SOX5: variants seen among roughly 807,000 people sequenced by gnomAD.
SOX5 encodes the protein transcription factor SOX-5.
Under a neutral mutation model 92.0 loss-of-function variants are expected in SOX5, and 9 were observed. The observed-to-expected ratio is 0.10, with a 90% CI of 0.06 to 0.17. The LOEUF (loss-of-function observed/expected upper bound fraction) is 0.17, where lower values mean the gene tolerates loss of function less well. Ranked by LOEUF, SOX5 falls within the 10% of genes least tolerant of loss-of-function variation. The pLI is 1.00. For synonymous variants in SOX5, 344 were observed against 336.3 expected (o/e 1.02, Z -0.25); for missense variants, 642 against 944.5 (o/e 0.68, Z 4.20).
intron 1 of SOX5, among the ~76,000 whole-genome samples, chr12:24,456,598 C>T (rs1943046251): frequency 6.6e-6 from 1 of 152,170 alleles, no homozygotes; most frequent in Admixed American, 6.5e-5. Flanking sequence ...CCTGTTCTTA[C>T]TTAACAAATG....
chr12:23,928,034 G>A (rs1044355111), intron 1 of SOX5, among the ~76,000 whole-genome samples: 1 of 152,026 alleles, frequency 6.6e-6, no homozygotes, highest in African/African-American at 2.4e-5. Context: ...GAACCAGGGC[G>A]ATTAACAGTC....
At chr12:24,231,922 C>T (rs544997857) in intron 3 of SOX5, among the ~76,000 whole-genome samples, 49 of 152,232 alleles carry the variant, frequency 3.2e-4, no homozygotes, top group African/African-American at 1.2e-3. Context: ...GTTCCTAGAA[C>T]AGTGCTGGAT....
intron 10 of SOX5, among the ~76,000 whole-genome samples, chr12:23,568,561 C>A (rs1312965579): frequency 3.3e-5 from 5 of 152,110 alleles, no homozygotes; most frequent in African/African-American, 1.2e-4. Context: ...CCCATGAGTA[C>A]CTGATATGCA....
intron 4 of SOX5, among the ~76,000 whole-genome samples, chr12:24,101,965 A>T (rs1238903092): frequency 6.6e-6 from 1 of 152,214 alleles, no homozygotes; most frequent in Non-Finnish European, 1.5e-5. Flanking sequence ...AGTTGAGAAT[A>T]AATCTCTGCA....
At chr12:24,541,905 T>C (rs1198291935) in intron 1 of SOX5, among the ~76,000 whole-genome samples, 1 of 152,168 alleles carries the variant, frequency 6.6e-6, no homozygotes, top group Non-Finnish European at 1.5e-5. Flanking sequence ...ACCCATTTAG[T>C]CACGTAGCAG....
chr12:24,246,838 A>G (rs1216420399), intron 3 of SOX5, among the ~76,000 whole-genome samples: 1 of 152,158 alleles, frequency 6.6e-6, no homozygotes, highest in Non-Finnish European at 1.5e-5. Context: ...AAGCCTTGAG[A>G]CAGCTTATAA....
At position 24,375,659 on chromosome 12, in the gene SOX5, C is replaced by A. The variant is rs142281854; in HGVS notation, c.-250-7020G>T. Among the ~76,000 whole-genome samples, 132 of 151,090 alleles carry A rather than the reference C, an allele frequency of 8.7e-4. 1 individual carries two copies. The East Asian group carries it at 0.022, about 25-fold the overall frequency. ...GCTGGGGCAGGAGAATCGCTTGAAC[C>A]CAGGAGGTGGATGTTGCAGTGAGGC... On this transcript the variant is annotated intron_variant, in intron 1 of 4. Transcript: ENST00000446891.
chr12:23,675,514 G>A (rs1482956127), intron 6 of SOX5, among the ~76,000 whole-genome samples: 4 of 152,096 alleles, frequency 2.6e-5, no homozygotes, highest in African/African-American at 9.7e-5. Flanking sequence ...AGACTACAAT[G>A]TGACCCCAAG....
intron 7 of SOX5, among the ~76,000 whole-genome samples, chr12:23,655,148 T>G (rs1483361421): frequency 6.6e-6 from 1 of 152,076 alleles, no homozygotes; most frequent in Non-Finnish European, 1.5e-5. Context: ...ACATTGTTCT[T>G]CATCTCCTTG....
rs181729587 is a variant in SOX5, at chr12:24,557,244, T to C, written c.-251+5085A>G. 2.2e-3 allele frequency among the ~76,000 whole-genome samples: 332 copies of C among 151,844 alleles called. 3 individuals are homozygous for C. The highest frequency in any genetic ancestry group is 2.2e-3 in the Non-Finnish European group (146 of 67,904). ...CTCTACTAAAAATACAAAAATTAGC[T>C]GGGTGTGGCCGCGCATGCCTGCAAT... On this transcript the variant is annotated intron_variant, in intron 1 of 4. Coordinates refer to the SOX5 transcript ENST00000446891.
chr12:24,064,830 T>A (rs1481834634), intron 4 of SOX5, among the ~76,000 whole-genome samples: 3 of 152,196 alleles, frequency 2.0e-5, no homozygotes. Flanking sequence ...ATCTTCCTGC[T>A]AATACATAAG....
intron 4 of SOX5, among the ~76,000 whole-genome samples, chr12:24,166,583 G>A (rs1953437484): frequency 1.3e-5 from 2 of 152,066 alleles, no homozygotes; most frequent in South Asian, 4.2e-4. Flanking sequence ...ACTCCATTCA[G>A]GTCGCCATTA....
At chr12:23,777,533 C>G (rs1452895953) in intron 3 of SOX5, among the ~76,000 whole-genome samples, 1 of 152,110 alleles carries the variant, frequency 6.6e-6, no homozygotes, top group African/African-American at 2.4e-5. Context: ...ATGACCATAA[C>G]GTCTGCCTCT....
chr12:23,536,686 T>A lies in SOX5; in HGVS notation c.1772-17A>T. 2.5e-6 allele frequency: 4 copies of A among 1,586,626 alleles called. No individual in the cohort carries two copies. The highest frequency in any genetic ancestry group is 3.5e-6 in the Non-Finnish European group (4 of 1,155,062). ...AGCGAGATCCTATGAAGAAAGGAGG[T>A]TAGGATTCCAATTTGCACAGCTTCT... On this transcript the variant is annotated splice_polypyrimidine_tract_variant and intron_variant, in intron 13 of 14. Coordinates refer to ENST00000451604, the MANE Select transcript of SOX5 (RefSeq NM_006940.6).
At chr12:24,454,949 G>A (rs1566206180) in intron 1 of SOX5, among the ~76,000 whole-genome samples, 2 of 152,234 alleles carry the variant, frequency 1.3e-5, no homozygotes, top group African/African-American at 2.4e-5. Context: ...AAAAAAAGAT[G>A]ATTATATGCT....
chr12:23,744,727 C>T (rs897325307), intron 4 of SOX5, among the ~76,000 whole-genome samples: 2 of 152,080 alleles, frequency 1.3e-5, no homozygotes, highest in Non-Finnish European at 2.9e-5. Flanking sequence ...TGTGTCTTAT[C>T]CTTGATAACA....
At chr12:24,324,996 C>T (rs1295567133) in intron 2 of SOX5, among the ~76,000 whole-genome samples, 3 of 151,862 alleles carry the variant, frequency 2.0e-5, no homozygotes, top group African/African-American at 7.3e-5. Context: ...ACATATGAGG[C>T]ACCAAGAGTG....
At chr12:24,002,245 A>G (rs545823934) in intron 4 of SOX5, among the ~76,000 whole-genome samples, 1 of 150,262 alleles carries the variant, frequency 6.7e-6, no homozygotes, top group South Asian at 2.1e-4. Flanking sequence ...TAGTAAAACA[A>G]GAGAGAAAAA....
At chr12:23,579,784 A>G (rs975443618) in intron 9 of SOX5, among the ~76,000 whole-genome samples, 3 of 152,114 alleles carry the variant, frequency 2.0e-5, no homozygotes, top group African/African-American at 4.8e-5. Context: ...CATGTTAAAT[A>G]AATTACTTAC....
Sources: allele counts gnomAD v4.1 joint callset (sites outside exome capture counted in the v4.1 genomes callset), GRCh38; gene constraint gnomAD v4.1.1; transcripts MANE v1.5; gene names NCBI Gene and HGNC (gene_info 2026-07-23, HGNC 2026-07-21).